Variants in MYLK observed in about 807,000 individuals in gnomAD.
The protein encoded by MYLK is myosin light chain kinase, also known as myosin light chain kinase, smooth muscle.
MYLK carries 106 observed loss-of-function variants against 203.4 expected under a neutral mutation model. The ratio of observed to expected loss-of-function variants is 0.52; its 90% CI spans 0.45 to 0.61. The LOEUF (loss-of-function observed/expected upper bound fraction) is 0.61, where lower values mean the gene tolerates loss of function less well. Ranked by LOEUF, MYLK falls within the 20% of genes least tolerant of loss-of-function variation. The pLI is 0.00. For synonymous variants in MYLK, 867 were observed against 959.5 expected (o/e 0.90, Z 1.78); for missense variants, 2,072 against 2,442.3 (o/e 0.85, Z 3.20).
intron 2 of MYLK, among the ~76,000 whole-genome samples, chr3:123,842,403 A>G (rs13321035): frequency 0.013 from 1,962 of 152,282 alleles, 46 homozygotes; most frequent in African/African-American, 0.045. Flanking sequence ...AATCAGGCCA[A>G]TTCTGCTCAA....
In MYLK at chr3:123,647,329, TTC is replaced by T; in HGVS notation, c.4512_4513del (p.Asn1505TyrfsTer6). ...CATGATGCTAATCTCCTGCCGGATA[TTC>T]TCTTTCTCTTTTGCTGAATATGCCT... On this transcript the variant is annotated frameshift_variant, in exon 27 of 34. Transcript: ENST00000360304. LOFTEE classifies it high-confidence loss of function. 1 of 1,614,254 alleles carries T rather than the reference TTC, an allele frequency of 6.2e-7. No homozygotes were observed. The highest frequency in any genetic ancestry group is 8.5e-7 in the Non-Finnish European group (1 of 1,180,030).
intron 3 of MYLK, among the ~76,000 whole-genome samples, chr3:123,815,947 G>A (rs1398252513): frequency 6.6e-6 from 1 of 152,240 alleles, no homozygotes; most frequent in Non-Finnish European, 1.5e-5. Flanking sequence ...CAAAACAGAT[G>A]AAGCTTCCCC....
chr3:123,812,001 G>A (rs189677831), intron 3 of MYLK, among the ~76,000 whole-genome samples: 42 of 152,154 alleles, frequency 2.8e-4, no homozygotes, highest in Admixed American at 5.2e-4. Context: ...TATCATTAAC[G>A]CTCAATATAA....
intron 33 of MYLK, chr3:123,617,439 TTTAA>T (rs1679409604): frequency 1.3e-5 from 2 of 152,326 alleles, no homozygotes; most frequent in Admixed American, 1.3e-4. Flanking sequence ...TCCACTTTCT[TTTAA>T]TTGAGTGAGG....
At chr3:123,659,669 A>G (rs1310228583) in intron 23 of MYLK, 1 of 518,274 alleles carries the variant, frequency 1.9e-6, no homozygotes, top group South Asian at 1.4e-5. Flanking sequence ...TGGCTGAACT[A>G]GTAAAGGGAT....
chr3:123,734,080 G>C lies in MYLK; in HGVS notation c.916C>G (p.Pro306Ala), dbSNP rs762341440. ...NCSSPQRGGS[P>A]PWAANSQPQP... ...GGCTGGCTGTTTGCAGCCCAGGGTGGGGAGCCACCTCTCTGGGGGCTGGAG... is the reference window on the plus strand; with the variant it reads ...GGCTGGCTGTTTGCAGCCCAGGGTGCGGAGCCACCTCTCTGGGGGCTGGAG... Residue 306 changes from proline (P) to alanine (A), a missense_variant, in exon 10 of 34, where the codon CCA (proline) becomes GCA (alanine). By Grantham distance (27) the Pro-to-Ala change is conservative. Transcript: ENST00000360304. The C allele has an allele frequency of 1.2e-6, 2 of 1,612,694 alleles. No homozygotes were observed. Among genetic ancestry groups the C allele is most frequent in the South Asian group, 2.2e-5 (2 of 90,992 alleles).
At chr3:123,670,988 G>A (rs533094117) in intron 20 of MYLK, among the ~76,000 whole-genome samples, 2 of 152,224 alleles carry the variant, frequency 1.3e-5, no homozygotes, top group Non-Finnish European at 2.9e-5. Context: ...GTCCCTGATA[G>A]GTCTTTCCAG....
At chr3:123,861,320 G>A (rs767483337) in intron 2 of MYLK, among the ~76,000 whole-genome samples, 4 of 152,202 alleles carry the variant, frequency 2.6e-5, no homozygotes, top group Admixed American at 2.0e-4. Flanking sequence ...CAGCACCATC[G>A]CTCACCAGCA....
intron 4 of MYLK, among the ~76,000 whole-genome samples, chr3:123,760,743 T>A (rs1420331057): frequency 1.3e-5 from 2 of 152,218 alleles, no homozygotes; most frequent in Non-Finnish European, 2.9e-5. Flanking sequence ...GGCATCACAC[T>A]CTTAACTAGG....
At chr3:123,701,368 A>T in intron 17 of MYLK, 70 bp downstream of exon 17, 1 of 1,503,380 alleles carries the variant, frequency 6.7e-7, no homozygotes, top group Non-Finnish European at 9.3e-7. Context: ...GCTGGGCTGG[A>T]GCTGCCGGGG....
intron 16 of MYLK, among the ~76,000 whole-genome samples, chr3:123,707,011 T>C (rs2061485151): frequency 6.6e-6 from 1 of 152,182 alleles, no homozygotes; most frequent in Non-Finnish European, 1.5e-5. Context: ...AGTGATGGCG[T>C]GTGGCTTCCA....
At chr3:123,663,987 A>G in intron 23 of MYLK, 118 bp downstream of exon 23, 1 of 1,434,718 alleles carries the variant, frequency 7.0e-7, no homozygotes, top group Admixed American at 1.7e-5. Context: ...CTTATAAATC[A>G]GGCACAGGAG....
intron 24 of MYLK, among the ~76,000 whole-genome samples, chr3:123,651,602 G>C (rs976858254): frequency 6.6e-6 from 1 of 152,176 alleles, no homozygotes. Flanking sequence ...CCAAGCAGCA[G>C]AGTGAGAGGG....
In MYLK at chr3:123,647,357, T is replaced by C; in HGVS notation, c.4486A>G (p.Lys1496Glu). ...TRKVWAGKFF[K>E]AYSAKEKENI... ...TCTTTCTCTTTTGCTGAATATGCCT[T>C]GAAGAACTTCCCTGCCCAGACTTTT... Residue 1496 changes from lysine to glutamate, a missense_variant, in exon 27 of 34, where the codon AAG (lysine) becomes GAG (glutamate). Lys to Glu is a moderately conservative substitution (Grantham distance 56). Coordinates refer to ENST00000360304, the MANE Select transcript of MYLK (RefSeq NM_053025.4). 2 of 1,614,254 alleles carry C rather than the reference T, an allele frequency of 1.2e-6. No homozygotes were observed. The highest frequency in any genetic ancestry group is 1.7e-6 in the Non-Finnish European group (2 of 1,180,046).
chr3:123,733,738 G>A lies in MYLK; in HGVS notation c.1258C>T (p.Pro420Ser). The A allele has an allele frequency of 1.9e-6, 3 of 1,614,186 alleles. No individual in the cohort carries two copies. Among genetic ancestry groups the A allele is most frequent in the Non-Finnish European group, 2.5e-6 (3 of 1,180,034 alleles). The change falls in exon 10 of 34, where the codon CCC becomes TCC. Residue 420 changes from proline (P) to serine (S), a missense_variant. Coordinates refer to ENST00000360304, the MANE Select transcript of MYLK (RefSeq NM_053025.4). ...TTTTCCTTGACCTCCTGGCTTTGGG[G>A]CTTGCTCTCAAATTTGGGGAATGCT... ...DSAFPKFESK[P>S]QSQEVKENQT... is the part of the protein sequence containing the mutation.
chr3:123,685,928 G>A (rs1266591250), intron 19 of MYLK, among the ~76,000 whole-genome samples: 3 of 152,138 alleles, frequency 2.0e-5, no homozygotes, highest in Non-Finnish European at 4.4e-5. Context: ...CCCCAGACTC[G>A]GAGCCCCAGG....
chr3:123,805,527 C>T (rs1023627393), intron 3 of MYLK, among the ~76,000 whole-genome samples: 1 of 152,104 alleles, frequency 6.6e-6, no homozygotes, highest in African/African-American at 2.4e-5. Context: ...CTGGCTGCCT[C>T]AACTAAAGAG....
chr3:123,805,562 G>A (rs1311654787), intron 3 of MYLK, among the ~76,000 whole-genome samples: 2 of 152,094 alleles, frequency 1.3e-5, no homozygotes, highest in East Asian at 1.9e-4. Flanking sequence ...CCTAATTCAG[G>A]GTCAAGTCCA....
intron 3 of MYLK, among the ~76,000 whole-genome samples, chr3:123,802,918 C>T (rs116239264): frequency 6.6e-6 from 1 of 152,154 alleles, no homozygotes; most frequent in African/African-American, 2.4e-5. Flanking sequence ...ACTTATTGAA[C>T]TCCTACCACC....
Sources: allele counts gnomAD v4.1 joint callset (sites outside exome capture counted in the v4.1 genomes callset), GRCh38; gene constraint gnomAD v4.1.1; transcripts MANE v1.5; gene names NCBI Gene and HGNC (gene_info 2026-07-23, HGNC 2026-07-21).